The following GPR132 variants were observed in gnomAD, a reference collection of about 807,000 sequenced individuals.
The protein encoded by GPR132 is probable G protein-coupled receptor 132.
Under a neutral mutation model 1.9 loss-of-function variants are expected in GPR132, and 4 were observed. The observed-to-expected ratio is 2.13, with a 90% confidence interval of 1.05 to 4.87. GPR132 has a LOEUF of 4.87. GPR132 is among the 30% of genes most tolerant of loss of function. The pLI is 0.01. For synonymous variants in GPR132, 233 were observed against 234.2 expected (o/e 0.99, Z 0.05); for missense variants, 404 against 512.5 (o/e 0.79, Z 2.04).
chr14:105,054,300 C>T (rs1886727677), intron 3 of GPR132: 1 of 1,068,356 alleles, frequency 9.4e-7, no homozygotes, highest in Non-Finnish European at 1.1e-6. Flanking sequence ...GAACCTTCCA[C>T]ATGCAAATGT....
intron 1 of GPR132, among the ~76,000 whole-genome samples, chr14:105,064,426 C>T (rs1049665048): frequency 6.6e-6 from 1 of 151,546 alleles, no homozygotes; most frequent in Non-Finnish European, 1.5e-5. Flanking sequence ...CTCCGCCTCT[C>T]AGGTTCAAGC....
intron 3 of GPR132, chr14:105,054,170 C>T (rs764741927): frequency 1.3e-5 from 17 of 1,264,894 alleles, no homozygotes; most frequent in African/African-American, 7.7e-5. Flanking sequence ...CAGCACCTGA[C>T]GGACGGACAG....
chr14:105,062,868 T>TTC (rs536244733), intron 1 of GPR132, among the ~76,000 whole-genome samples: 6 of 151,532 alleles, frequency 4.0e-5, no homozygotes, highest in Admixed American at 6.6e-5. Flanking sequence ...ATTAAAATTG[T>TTC]TCTCTCTCTC....
At position 105,060,196 on chromosome 14, in the gene GPR132, C is replaced by T. The variant is rs1025386654; in HGVS notation, c.-860-2916G>A. Among the ~76,000 whole-genome samples, 4 of 152,240 alleles carry T rather than the reference C, an allele frequency of 2.6e-5. No individual in the cohort carries two copies. Among genetic ancestry groups the T allele is most frequent in the African/African-American group, 9.6e-5 (4 of 41,460 alleles). ...TCCCAGCTGCTGCTCTGCCAAGATCCGTGTGGCCCTGTCGTCTGGCTGCTG... is the reference window on the plus strand; with the variant it reads ...TCCCAGCTGCTGCTCTGCCAAGATCTGTGTGGCCCTGTCGTCTGGCTGCTG... On this transcript the variant is annotated intron_variant, in intron 1 of 3. Transcript: ENST00000329797. This position sits in a 1 kb window ranked among gnomAD's most constrained non-coding sequence, Gnocchi z 6.3.
intron 1 of GPR132, among the ~76,000 whole-genome samples, chr14:105,058,747 A>G (rs1886865331): frequency 6.6e-6 from 1 of 152,228 alleles, no homozygotes; most frequent in African/African-American, 2.4e-5. Flanking sequence ...CGGGCAGCAG[A>G]TGGCTCAGGG....
Position 105,056,206 on chromosome 14 carries a change from ACACT to A in GPR132, c.-746-44_-746-41del, listed in dbSNP as rs538600432. ...AGAGTGGGTGTGACTGGGCTGCCTC[ACACT>A]CAGTTGTCACCACTTCGCCCAAGAC... On this transcript the variant is annotated intron_variant, in intron 2 of 3. Transcript: ENST00000329797. This position sits in a 1 kb window ranked among gnomAD's most constrained non-coding sequence, Gnocchi z 6.0. 176 of 981,858 alleles carry A rather than the reference ACACT, an allele frequency of 1.8e-4. 2 individuals are homozygous for A. The South Asian group carries it at 7.4e-3, about 41-fold the overall frequency. 60.8% of individuals were successfully genotyped at this position (981,858 alleles called of 1,614,324 possible).
intron 3 of GPR132, among the ~76,000 whole-genome samples, chr14:105,053,490 G>T (rs999761980): frequency 6.6e-6 from 1 of 152,120 alleles, no homozygotes; most frequent in Non-Finnish European, 1.5e-5. Context: ...ATTTGCCTGT[G>T]TGAACTATCA....
At chr14:105,062,345 C>T (rs528434412) in intron 1 of GPR132, among the ~76,000 whole-genome samples, 2 of 152,328 alleles carry the variant, frequency 1.3e-5, no homozygotes, top group Non-Finnish European at 2.9e-5. Context: ...TGGCAGCCCA[C>T]TGAGGCCAGC....
chr14:105,054,297 C>T, intron 3 of GPR132: 1 of 1,069,416 alleles, frequency 9.4e-7, no homozygotes, highest in African/African-American at 1.7e-5. Context: ...CAGGAACCTT[C>T]CACATGCAAA....
rs772680135 is a variant in GPR132, at chr14:105,052,022, C to T, written c.115G>A (p.Glu39Lys). ...ACGACCAGGACTATCCTGCTCTCTTCGAAGGACACGTTGTTGCAGGTCTTG... is the reference window on the plus strand; with the variant it reads ...ACGACCAGGACTATCCTGCTCTCTTTGAAGGACACGTTGTTGCAGGTCTTG... Reference protein sequence around the residue: ...SAKTCNNVSFEESRIVLVVVY... With the variant: ...SAKTCNNVSFKESRIVLVVVY... The change falls in exon 4 of 4, where the codon GAA (glutamate) becomes AAA (lysine). Residue 39 changes from glutamate to lysine, a missense_variant. Physicochemically the swap from Glu to Lys is moderately conservative, Grantham distance 56. Coordinates refer to ENST00000329797, the MANE Select transcript of GPR132 (RefSeq NM_013345.4). 2 of 1,610,264 alleles carry T rather than the reference C, an allele frequency of 1.2e-6. No homozygotes were observed. The highest frequency in any genetic ancestry group is 2.2e-5 in the East Asian group (1 of 44,842).
rs1167732812 is a variant in GPR132, at chr14:105,056,572, C to A, written c.-746-406G>T. Among the ~76,000 whole-genome samples the A allele has an allele frequency of 6.6e-6, 1 of 152,240 alleles. No individual in the cohort carries two copies. Among genetic ancestry groups the A allele is most frequent in the Admixed American group, 6.5e-5 (1 of 15,286 alleles). On this transcript the variant is annotated intron_variant, in intron 2 of 3. Coordinates refer to ENST00000329797, the MANE Select transcript of GPR132 (RefSeq NM_013345.4). The surrounding 1 kb of genome is among the most constrained non-coding windows in gnomAD (Gnocchi z 6.0). ...TCCCTCCCCGACTTCCTACGGCTCC[C>A]CCACCCCACACATCGTCGCCCGTGC...
At chr14:105,063,740 C>A (rs1273148601) in intron 1 of GPR132, among the ~76,000 whole-genome samples, 3 of 152,160 alleles carry the variant, frequency 2.0e-5, no homozygotes, top group Non-Finnish European at 4.4e-5. Flanking sequence ...GAGCCCTGGC[C>A]CCTGCCATGT....
chr14:105,063,209 C>T (rs1886995640), intron 1 of GPR132, among the ~76,000 whole-genome samples: 1 of 152,144 alleles, frequency 6.6e-6, no homozygotes, highest in Non-Finnish European at 1.5e-5. Flanking sequence ...GCGTGAGCCA[C>T]CATGCCCGGC....
At position 105,057,222 on chromosome 14, in the gene GPR132, TACA is replaced by T; in HGVS notation, c.-805_-803del. On this transcript the variant is annotated 5_prime_UTR_variant, in exon 2 of 4. An upstream start codon of the reference 5' UTR is lost. Coordinates refer to ENST00000329797, the MANE Select transcript of GPR132 (RefSeq NM_013345.4). Reference sequence around the variant, plus strand: ...GTGGCTCTAAGATAAGCTTTCTAAGTACATGTCATGCGTCTTGTCGGTCCTATC... The same window carrying T: ...GTGGCTCTAAGATAAGCTTTCTAAGTTGTCATGCGTCTTGTCGGTCCTATC... The T allele has an allele frequency of 7.0e-7, 1 of 1,425,962 alleles. No individual in the cohort carries two copies. The highest frequency in any genetic ancestry group is 9.6e-7 in the Non-Finnish European group (1 of 1,046,674). 88.3% of individuals were successfully genotyped at this position (1,425,962 alleles called of 1,614,324 possible).
In GPR132 at chr14:105,051,987, G is replaced by T; in HGVS notation, c.150C>A (p.Ser50Arg). ...ESRIVLVVVY[S>R]AVCTLGVPAN... is the part of the protein sequence containing the mutation. ...CCGGCACCCCCAGCGTGCACACCGC[G>T]CTGTACACCACGACCAGGACTATCC... Residue 50 changes from serine to arginine, a missense_variant, in exon 4 of 4, where the codon AGC becomes AGA. Transcript: ENST00000329797. The surrounding 1 kb of genome is among the most constrained non-coding windows in gnomAD (Gnocchi z 8.0). 6.2e-7 allele frequency: 1 copy of T among 1,613,018 alleles called. No individual in the cohort carries two copies. Among genetic ancestry groups the T allele is most frequent in the Non-Finnish European group, 8.5e-7 (1 of 1,179,938 alleles).
At position 105,050,825 on chromosome 14, in the gene GPR132, G is replaced by C. The variant is rs1595132975; in HGVS notation, c.*169C>G. ...CTTGGCATGCAGCCACCTTCCATGT[G>C]GGAAAGCCTGGGGCCAGTGGTCACG... On this transcript the variant is annotated 3_prime_UTR_variant, in exon 4 of 4. Transcript: ENST00000329797. This position sits in a 1 kb window ranked among gnomAD's most constrained non-coding sequence, Gnocchi z 4.0. 1.5e-6 allele frequency: 1 copy of C among 646,492 alleles called. No individual in the cohort carries two copies. The highest frequency in any genetic ancestry group is 1.8e-5 in the African/African-American group (1 of 54,928). The allele number at this position is 646,492 out of a possible 1,614,324, so 40.0% of individuals were successfully genotyped here.
At chr14:105,064,643 ATCT>A (rs907234254) in intron 1 of GPR132, among the ~76,000 whole-genome samples, 66 of 152,040 alleles carry the variant, frequency 4.3e-4, no homozygotes, top group Admixed American at 5.2e-4. Flanking sequence ...CCCTATCCTC[ATCT>A]TCTTCCAGGA....
chr14:105,053,997 G>C (rs113740653), intron 3 of GPR132: 4 of 1,266,374 alleles, frequency 3.2e-6, no homozygotes, highest in Non-Finnish European at 4.1e-6. Context: ...TAGAGGTCAC[G>C]CAGGGTGTGC....
chr14:105,055,560 T>C lies in GPR132; in HGVS notation c.-140A>G. On this transcript the variant is annotated 5_prime_UTR_variant, in exon 3 of 4. Coordinates refer to ENST00000329797, the MANE Select transcript of GPR132 (RefSeq NM_013345.4). The surrounding 1 kb of genome is among the most constrained non-coding windows in gnomAD (Gnocchi z 4.7). ...TCCATTCCACTTTGTCTCTGTGCGC[T>C]GGGCTCCCCTGTCACCTCCCCACGT... 1.4e-6 allele frequency: 1 copy of C among 714,228 alleles called. No homozygotes were observed. The allele number at this position is 714,228 out of a possible 1,614,324, so 44.2% of individuals were successfully genotyped here.
Sources: gnomAD v4.1 joint callset for allele counts (sites outside exome capture counted in the v4.1 genomes callset) on GRCh38, gnomAD v4.1.1 for gene constraint, Gnocchi (gnomAD v3.1) non-coding constraint, MANE v1.5 for transcripts, NCBI Gene and HGNC (gene_info 2026-07-23, HGNC 2026-07-21) for gene names.